Variants in ZP4 observed in about 807,000 individuals in gnomAD.
ZP4 encodes the protein zona pellucida glycoprotein 4.
In ZP4, 62 loss-of-function variants were observed where a neutral mutation model predicts 62.3. The ratio of observed to expected loss-of-function variants is 0.99; its 90% CI spans 0.81 to 1.23. The LOEUF (loss-of-function observed/expected upper bound fraction) is 1.23. ZP4 is among the 50% of genes most tolerant of loss of function. The probability of loss-of-function intolerance (pLI) is 0.00; values close to 1 mark genes in which losing one functional copy is unlikely to be tolerated. For synonymous variants in ZP4, 289 were observed against 247.3 expected (o/e 1.17, Z -1.58); for missense variants, 774 against 656.0 (o/e 1.18, Z -1.97).
chr1:237,882,827 G>A lies in ZP4; in HGVS notation c.1410C>T (p.Asn470=), dbSNP rs536140661. The part of the protein sequence containing the change: ...PDLSRRRNFD[N]SSQNTTASVS... Reference sequence around the variant, plus strand: ...CACTAGCAGTAGTGTTCTGAGAACTGTTGTCAAAATTTCTTCTTCCTGTTA... The same window carrying A: ...CACTAGCAGTAGTGTTCTGAGAACTATTGTCAAAATTTCTTCTTCCTGTTA... The change falls in exon 11 of 12, where the codon AAC becomes AAT. Residue 470 remains asparagine (N), a synonymous_variant. Transcript: ENST00000366570. 6.2e-7 allele frequency: 1 copy of A among 1,613,432 alleles called. No individual in the cohort carries two copies. Among genetic ancestry groups the A allele is most frequent in the African/African-American group, 1.3e-5 (1 of 74,856 alleles).
In ZP4 at chr1:237,885,896, A is replaced by T; in HGVS notation, c.840-10T>A. 2 of 1,613,794 alleles carry T rather than the reference A, an allele frequency of 1.2e-6. No individual in the cohort carries two copies. Among genetic ancestry groups the T allele is most frequent in the Non-Finnish European group, 1.7e-6 (2 of 1,179,906 alleles). On this transcript the variant is annotated splice_polypyrimidine_tract_variant and intron_variant, in intron 6 of 11. Transcript: ENST00000366570. The stretch of plus-strand genomic sequence containing the variant: ...GCAGCTGACATGGAGCCTGCAGAGA[A>T]ACAAGATTTTAGCTAGTTGGTTGTG...
chr1:237,883,385 C>A (rs961456725), intron 10 of ZP4, among the ~76,000 whole-genome samples: 3 of 151,476 alleles, frequency 2.0e-5, no homozygotes, highest in African/African-American at 4.8e-5. Context: ...GAGTTTGAGA[C>A]CAGCCCAGGC....
rs1261064754 is a variant in ZP4, at chr1:237,884,671, G to T, written c.1390+98C>A. 6 of 1,125,494 alleles carry T rather than the reference G, an allele frequency of 5.3e-6. No individual in the cohort carries two copies. The African/African-American group carries it at 7.7e-5, about 14-fold the overall frequency. The allele number at this position is 1,125,494 out of a possible 1,614,324, so 69.7% of individuals were successfully genotyped here. ...GTACTTAGAGAAGCCTTAGTAAGAT[G>T]AATCTTCAGTTTGAGTTGTTTGGCC... On this transcript the variant is annotated intron_variant, in intron 10 of 11. Transcript: ENST00000366570.
At chr1:237,883,994 ACACAC>A (rs1665017467) in intron 10 of ZP4, among the ~76,000 whole-genome samples, 1 of 57,126 alleles carries the variant, frequency 1.8e-5, no homozygotes, top group African/African-American at 6.4e-5. Context: ...ACACACACAC[ACACAC>A]ACACACACAC....
At position 237,890,172 on chromosome 1, in the gene ZP4, G is replaced by T. The variant is rs777239265; in HGVS notation, c.180C>A (p.Asn60Lys). 2 of 1,613,912 alleles carry T rather than the reference G, an allele frequency of 1.2e-6. No homozygotes were observed. Among genetic ancestry groups the T allele is most frequent in the Admixed American group, 3.3e-5 (2 of 60,010 alleles). Residue 60 changes from asparagine to lysine, a missense_variant, in exon 2 of 12, where the codon AAC (asparagine) becomes AAA (lysine). By Grantham distance (94) the Asn-to-Lys change is moderately conservative. Coordinates refer to ENST00000366570, the MANE Select transcript of ZP4 (RefSeq NM_021186.5). ...TCTGCAGCTCGTGCAGCAGCCCTTG[G>T]TTGTCTGGAGGGGTGGGGAAGAGGT... Reference protein sequence around the residue: ...TSPPVLIAWDNQGLLHELQND... With the variant: ...TSPPVLIAWDKQGLLHELQND...
rs1665192159 is a variant in ZP4, at chr1:237,889,727, A to G, written c.400+140T>C. On this transcript the variant is annotated intron_variant, in intron 3 of 11. Transcript: ENST00000366570. ...TTGGTAGTTATCCTAAGGATTGCCC[A>G]TGGAGGTGAGAGTTGGGACATGATC... 5.1e-6 allele frequency: 4 copies of G among 785,454 alleles called. No individual in the cohort carries two copies. In the Admixed American group the frequency reaches 5.8e-5, roughly 11 times the overall value. 48.7% of individuals were successfully genotyped at this position (785,454 alleles called of 1,614,324 possible).
At position 237,884,815 on chromosome 1, in the gene ZP4, C is replaced by T. The variant is rs1213026175; in HGVS notation, c.1344G>A (p.Gln448=). The T allele has an allele frequency of 6.2e-7, 1 of 1,613,486 alleles. No individual in the cohort carries two copies. The highest frequency in any genetic ancestry group is 1.7e-5 in the Admixed American group (1 of 59,942). ...VHLHCSVSVC[Q]PAETPSCVVT... ...CCACACAGGATGGTGTCTCAGCAGG[C>T]TGGCAGACTGACACGCTGCAGTGCA... The change falls in exon 10 of 12, where the codon CAG becomes CAA. Residue 448 remains glutamine (Q), a synonymous_variant. Coordinates refer to ENST00000366570, the MANE Select transcript of ZP4 (RefSeq NM_021186.5).
Position 237,890,074 on chromosome 1 carries a change from C to G in ZP4, c.278G>C (p.Ser93Thr). Residue 93 changes from serine (S) to threonine (T), a missense_variant, in exon 2 of 12, where the codon AGC becomes ACC. Transcript: ENST00000366570. Reference protein sequence around the residue: ...SSVVLEATYSSCYVTEWDSHY... With the variant: ...SSVVLEATYSTCYVTEWDSHY... ...ACTCACCCACTCAGTGACATAGCAG[C>G]TGCTATAGGTTGCCTCCAACACCAC... 2.5e-6 allele frequency: 4 copies of G among 1,614,168 alleles called. No homozygotes were observed. The highest frequency in any genetic ancestry group is 3.4e-6 in the Non-Finnish European group (4 of 1,180,038).
intron 10 of ZP4, among the ~76,000 whole-genome samples, chr1:237,883,886 G>A (rs1263332377): frequency 6.6e-6 from 1 of 150,640 alleles, no homozygotes; most frequent in African/African-American, 2.5e-5. Flanking sequence ...CCTGAGCTCA[G>A]GAGGTCGAGG....
chr1:237,883,476 G>A (rs144490232), intron 10 of ZP4, among the ~76,000 whole-genome samples: 5,328 of 150,942 alleles, frequency 0.035, 206 homozygotes, highest in African/African-American at 0.097. Flanking sequence ...ACACTTTGGG[G>A]GGCCAAGGCA....
Position 237,888,501 on chromosome 1 carries a change from G to C in ZP4, c.410C>G (p.Ala137Gly). Reference protein sequence around the residue: ...KCPMDLLARDAPDTDWCDSIP... With the variant: ...KCPMDLLARDGPDTDWCDSIP... ...GGAGTCACACCAGTCAGTATCTGGAGCATCTCGGGCTAGGTTTTGAAAAAG... is the reference window on the plus strand; with the variant it reads ...GGAGTCACACCAGTCAGTATCTGGACCATCTCGGGCTAGGTTTTGAAAAAG... The change falls in exon 4 of 12, where the codon GCT becomes GGT. Residue 137 changes from alanine (A) to glycine (G), a missense_variant. Transcript: ENST00000366570. 1 of 1,595,466 alleles carries C rather than the reference G, an allele frequency of 6.3e-7. No individual in the cohort carries two copies.
Position 237,882,463 on chromosome 1 carries a change from C to T in ZP4, c.1582G>A (p.Val528Ile). The T allele has an allele frequency of 6.2e-7, 1 of 1,610,892 alleles. No homozygotes were observed. The highest frequency in any genetic ancestry group is 8.5e-7 in the Non-Finnish European group (1 of 1,179,364). ...LGALLVSYLA[V>I]KKQKSCPDQM... ...TCTGGGCAACTCTTCTGTTTCTTGA[C>T]AGCCAAGTAGGATACTAACAAGGCT... is the stretch of plus-strand genomic sequence containing the variant. Residue 528 changes from valine (V) to isoleucine (I), a missense_variant, in exon 12 of 12, where the codon GTC (valine) becomes ATC (isoleucine). Physicochemically the swap from Val to Ile is conservative, Grantham distance 29 (BLOSUM62 3). Transcript: ENST00000366570.
At position 237,885,296 on chromosome 1, in the gene ZP4, T is replaced by A; in HGVS notation, c.1180A>T (p.Asn394Tyr). 6.2e-7 allele frequency: 1 copy of A among 1,614,080 alleles called. No homozygotes were observed. Among genetic ancestry groups the A allele is most frequent in the South Asian group, 1.1e-5 (1 of 91,072 alleles). Residue 394 changes from asparagine (N) to tyrosine (Y), a missense_variant, in exon 9 of 12, where the codon AAC (asparagine) becomes TAC (tyrosine). Asn to Tyr is a moderately radical substitution (Grantham distance 143). Coordinates refer to ENST00000366570, the MANE Select transcript of ZP4 (RefSeq NM_021186.5). ...ACAGGGATCAGCTGGGTCTGATAGT[T>A]GTCTCCAATGTAGGGGCAGCTAGAC... Reference protein sequence around the residue: ...LVKGCPYIGDNYQTQLIPVQK... With the variant: ...LVKGCPYIGDYYQTQLIPVQK...
In ZP4 at chr1:237,889,909, C is replaced by A; in HGVS notation, c.358G>T (p.Val120Phe). ...EGAGAAEHKV[V>F]TERKLLKCPM... is the part of the protein sequence containing the mutation. Reference sequence around the variant, plus strand: ...CACTTGAGCAGCTTCCTCTCTGTAACCACCTTGTGTTCAGCCGCGCCTGCT... The same window carrying A: ...CACTTGAGCAGCTTCCTCTCTGTAAACACCTTGTGTTCAGCCGCGCCTGCT... Residue 120 changes from valine (V) to phenylalanine (F), a missense_variant, in exon 3 of 12, where the codon GTT (valine) becomes TTT (phenylalanine). Val to Phe is a conservative substitution (Grantham distance 50). Transcript: ENST00000366570. 1 of 1,604,612 alleles carries A rather than the reference C, an allele frequency of 6.2e-7. No homozygotes were observed. The highest frequency in any genetic ancestry group is 1.1e-5 in the South Asian group (1 of 90,980).
In ZP4 at chr1:237,887,568, C is replaced by A; in HGVS notation, c.554-7G>T. The stretch of plus-strand genomic sequence containing the variant: ...CGGGTACAATGCAAGGTCACTGAAA[C>A]AGAGCAGCTGTGCTGAAGGCAGGTC... On this transcript the variant is annotated splice_polypyrimidine_tract_variant and splice_region_variant and intron_variant, in intron 4 of 11. Transcript: ENST00000366570. 1 of 1,612,648 alleles carries A rather than the reference C, an allele frequency of 6.2e-7. No individual in the cohort carries two copies. Among genetic ancestry groups the A allele is most frequent in the South Asian group, 1.1e-5 (1 of 90,786 alleles).
At chr1:237,887,246 G>A (rs1665124739) in intron 5 of ZP4, 128 bp downstream of exon 5, 1 of 1,077,460 alleles carries the variant, frequency 9.3e-7, no homozygotes, top group Non-Finnish European at 1.4e-6. Context: ...CTGCCCTAGG[G>A]ACTCTCCCAA....
Position 237,889,832 on chromosome 1 carries a change from AC to A in ZP4, c.400+34del. ...AGTACTTTCACACCCCACCCCCACCACCCCCACAAGACCCTGAGAGCTTCCA... is the reference window on the plus strand; with the variant it reads ...AGTACTTTCACACCCCACCCCCACCACCCCACAAGACCCTGAGAGCTTCCA... On this transcript the variant is annotated intron_variant, in intron 3 of 11. Coordinates refer to ENST00000366570, the MANE Select transcript of ZP4 (RefSeq NM_021186.5). The A allele has an allele frequency of 3.3e-6, 3 of 896,798 alleles. No individual in the cohort carries two copies. The Admixed American group carries it at 5.8e-5, about 17-fold the overall frequency. 55.6% of individuals were successfully genotyped at this position (896,798 alleles called of 1,614,324 possible).
At position 237,884,023 on chromosome 1, in the gene ZP4, C is replaced by CACACAA. The variant is rs1558531123; in HGVS notation, c.1390+745_1390+746insTTGTGT. Among the ~76,000 whole-genome samples, 646 of 64,994 alleles carry CACACAA rather than the reference C, an allele frequency of 9.9e-3. 2 individuals carry two copies. Among genetic ancestry groups the CACACAA allele is most frequent in the Non-Finnish European group, 0.015 (425 of 29,220 alleles). The allele number at this position is 64,994 out of a possible 152,430, so 42.6% of individuals were successfully genotyped here. ...ACACACACACACACACACAAACACA[C>CACACAA]ACACACACAAACACACACAAACACA... is the stretch of plus-strand genomic sequence containing the variant. On this transcript the variant is annotated intron_variant, in intron 10 of 11. Coordinates refer to ENST00000366570, the MANE Select transcript of ZP4 (RefSeq NM_021186.5).
chr1:237,887,365 A>G lies in ZP4; in HGVS notation c.741+9T>C, dbSNP rs1665128003. On this transcript the variant is annotated intron_variant, in intron 5 of 11. Transcript: ENST00000366570. The stretch of plus-strand genomic sequence containing the variant: ...CTTCCAGAGCCAGGAACAAAGCCCA[A>G]CTGCTCACCTGTCTTGTGGTGCCAC... The G allele has an allele frequency of 3.7e-6, 6 of 1,612,418 alleles. No individual in the cohort carries two copies. Among genetic ancestry groups the G allele is most frequent in the East Asian group, 2.2e-5 (1 of 44,860 alleles).
Sources: gnomAD v4.1 joint callset for allele counts (sites outside exome capture counted in the v4.1 genomes callset) on GRCh38, gnomAD v4.1.1 for gene constraint, MANE v1.5 for transcripts, NCBI Gene and HGNC (gene_info 2026-07-23, HGNC 2026-07-21) for gene names.